APBB2: variants seen among roughly 807,000 people sequenced by gnomAD.
The protein encoded by APBB2 is Fe65-like 1.
In APBB2, 38 loss-of-function variants were observed where a neutral mutation model predicts 82.5. That is an observed-to-expected ratio of 0.46 (90% CI 0.36 to 0.60). The LOEUF is 0.60. Among genes scored for constraint, APBB2 ranks in the 20% least tolerant of loss-of-function variants. The probability of loss-of-function intolerance (pLI) is 0.00; values close to 1 mark genes in which losing one functional copy is unlikely to be tolerated. For missense variants in APBB2, 772 were observed against 972.3 expected (o/e 0.79, Z 2.74); for synonymous variants, 341 against 368.2 (o/e 0.93, Z 0.85).
chr4:41,094,262 T>A (rs1742754310), intron 3 of APBB2, among the ~76,000 whole-genome samples: 1 of 152,226 alleles, frequency 6.6e-6, no homozygotes, highest in Non-Finnish European at 1.5e-5. Flanking sequence ...ATTGGAGTTT[T>A]ATACCTGCTG....
chr4:41,112,973 C>T (rs1560785185), intron 2 of APBB2, among the ~76,000 whole-genome samples: 1 of 150,772 alleles, frequency 6.6e-6, no homozygotes, highest in African/African-American at 2.5e-5. Flanking sequence ...GGCGACAGAG[C>T]GAGACTCTGT....
chr4:40,913,566 C>A (rs1779096142), intron 10 of APBB2, among the ~76,000 whole-genome samples: 2 of 152,134 alleles, frequency 1.3e-5, no homozygotes, highest in African/African-American at 2.4e-5. Flanking sequence ...TTATTTGTAA[C>A]CCCAAAGTCC....
At chr4:41,167,248 C>T (rs1434931285) in intron 1 of APBB2, among the ~76,000 whole-genome samples, 4 of 152,190 alleles carry the variant, frequency 2.6e-5, no homozygotes, top group African/African-American at 4.8e-5. Context: ...CCCAGAAGCT[C>T]GCCAAATCTC....
At chr4:41,069,194 G>A (rs1354358330) in intron 3 of APBB2, among the ~76,000 whole-genome samples, 3 of 152,176 alleles carry the variant, frequency 2.0e-5, no homozygotes, top group Non-Finnish European at 2.9e-5. Flanking sequence ...ACATTTGAGA[G>A]TAAAGGCAAG....
At chr4:41,145,203 C>A (rs929345751) in intron 1 of APBB2, among the ~76,000 whole-genome samples, 7 of 152,278 alleles carry the variant, frequency 4.6e-5, no homozygotes, top group Middle Eastern at 3.4e-3. Flanking sequence ...TGACTCCTGG[C>A]ACACTCATTT....
intron 2 of APBB2, among the ~76,000 whole-genome samples, chr4:41,115,899 CAG>C (rs1750814429): frequency 6.6e-6 from 1 of 152,212 alleles, no homozygotes; most frequent in Non-Finnish European, 1.5e-5. Context: ...TTGTGGAAGA[CAG>C]TGTGGCGATT....
intron 12 of APBB2, among the ~76,000 whole-genome samples, chr4:40,872,151 T>G (rs1765675130): frequency 6.6e-6 from 1 of 152,270 alleles, no homozygotes; most frequent in Admixed American, 6.5e-5. Flanking sequence ...CTTTTCCTTC[T>G]GCCACCATTG....
chr4:41,124,790 T>C (rs1384003631), intron 2 of APBB2, among the ~76,000 whole-genome samples: 1 of 152,236 alleles, frequency 6.6e-6, no homozygotes, highest in Non-Finnish European at 1.5e-5. Context: ...CTTCTAAGAC[T>C]ATCCTTCCAC....
chr4:40,861,711 GTT>G lies in APBB2; in HGVS notation c.1529+28651_1529+28652del, dbSNP rs538106762. 1.9e-3 allele frequency among the ~76,000 whole-genome samples: 291 copies of G among 152,272 alleles called. 2 individuals carry two copies. Among genetic ancestry groups the G allele is most frequent in the African/African-American group, 6.9e-3 (285 of 41,554 alleles). On this transcript the variant is annotated intron_variant, in intron 12 of 17. Transcript: ENST00000508593. Reference sequence around the variant, plus strand: ...ACAGGTCTGGTTCACAGAAAGACAGGTTCAATTATGTGTGAAATTCTGGTACA... The same window carrying G: ...ACAGGTCTGGTTCACAGAAAGACAGGCAATTATGTGTGAAATTCTGGTACA...
At chr4:40,960,092 C>G (rs565469036) in intron 6 of APBB2, among the ~76,000 whole-genome samples, 1 of 152,150 alleles carries the variant, frequency 6.6e-6, no homozygotes, top group East Asian at 1.9e-4. Context: ...TTCAGCCTGT[C>G]AGAGTGGTTA....
chr4:40,816,003 C>A lies in APBB2; in HGVS notation c.*89G>T, dbSNP rs1018487332. On this transcript the variant is annotated 3_prime_UTR_variant, in exon 18 of 18. Transcript: ENST00000508593. ...TTCTCTGAAGACAAAGCATCAGCAA[C>A]TGGATGGAAGGTCGGATGGCGGAGT... 13 of 1,457,290 alleles carry A rather than the reference C, an allele frequency of 8.9e-6. No homozygotes were observed. The highest frequency in any genetic ancestry group is 1.0e-5 in the Non-Finnish European group (11 of 1,060,738). 90.3% of individuals were successfully genotyped at this position (1,457,290 alleles called of 1,614,324 possible).
intron 12 of APBB2, among the ~76,000 whole-genome samples, chr4:40,853,380 C>T (rs1760114449): frequency 6.8e-6 from 1 of 146,718 alleles, no homozygotes; most frequent in Non-Finnish European, 1.5e-5. Flanking sequence ...TCCCCACCCA[C>T]CTCTTCCAGC....
At chr4:40,942,649 G>A (rs376605284) in intron 7 of APBB2, among the ~76,000 whole-genome samples, 1 of 152,108 alleles carries the variant, frequency 6.6e-6, no homozygotes. Context: ...GGGGCTGTTG[G>A]GGGGGAACAC....
intron 3 of APBB2, among the ~76,000 whole-genome samples, chr4:41,099,852 T>C (rs1361710533): frequency 1.3e-5 from 2 of 152,154 alleles, no homozygotes; most frequent in African/African-American, 2.4e-5. Context: ...CTAGAGAGGA[T>C]ATTTGTGTAT....
chr4:41,206,232 G>C lies in APBB2; in HGVS notation c.-417+8173C>G, dbSNP rs1777895640. 2.0e-5 allele frequency among the ~76,000 whole-genome samples: 3 copies of C among 152,172 alleles called. No individual in the cohort carries two copies. The South Asian group carries it at 6.2e-4, about 32-fold the overall frequency. Reference sequence around the variant, plus strand: ...AGATGACAAAGGAAGCAGCTGAAGGGTTTGCTGTAGTGGGAATTTTACATG... The same window carrying C: ...AGATGACAAAGGAAGCAGCTGAAGGCTTTGCTGTAGTGGGAATTTTACATG... On this transcript the variant is annotated intron_variant, in intron 1 of 17. Coordinates refer to ENST00000508593, the MANE Select transcript of APBB2 (RefSeq NM_004307.2).
intron 12 of APBB2, chr4:40,857,153 G>T (rs2154331651): frequency 1.0e-6 from 1 of 985,442 alleles, no homozygotes; most frequent in African/African-American, 1.7e-5. Context: ...CCGGGCTCAA[G>T]TTGAAGAGAG....
rs771956122 is a variant in APBB2 at position 41,158,230 on chromosome 4, A to G, written c.-416-15088T>C. On this transcript the variant is annotated intron_variant, in intron 1 of 17. Coordinates refer to ENST00000508593, the MANE Select transcript of APBB2 (RefSeq NM_004307.2). ...AACTCACAGGGCTGCTGTCAGAATT[A>G]AATAATACAGTAAAAGCACCTGAAT... is the stretch of plus-strand genomic sequence containing the variant. 1.7e-4 allele frequency among the ~76,000 whole-genome samples: 26 copies of G among 152,322 alleles called. 1 individual carries two copies. The highest frequency in any genetic ancestry group is 3.4e-3 in the Middle Eastern group (1 of 294).
chr4:41,130,716 G>A (rs1184438441), intron 2 of APBB2, among the ~76,000 whole-genome samples: 1 of 152,066 alleles, frequency 6.6e-6, no homozygotes, highest in Non-Finnish European at 1.5e-5. Flanking sequence ...CTTCTACAGA[G>A]GCCAGTCTCC....
intron 6 of APBB2, among the ~76,000 whole-genome samples, chr4:40,966,514 C>A (rs969940874): frequency 6.6e-6 from 1 of 152,160 alleles, no homozygotes; most frequent in Non-Finnish European, 1.5e-5. Context: ...TAATGTGGAC[C>A]CAGGCATCTC....
Sources: allele counts gnomAD v4.1 joint callset (sites outside exome capture counted in the v4.1 genomes callset), GRCh38; gene constraint gnomAD v4.1.1; transcripts MANE v1.5; gene names NCBI Gene and HGNC (gene_info 2026-07-23, HGNC 2026-07-21).